The following NFAT5 variants were observed in gnomAD, a reference collection of about 807,000 sequenced individuals.
NFAT5 encodes the protein nuclear factor of activated T-cells 5.
A neutral mutation model predicts 166.5 loss-of-function variants in NFAT5; 31 were observed. That is an observed-to-expected ratio of 0.19 (90% CI 0.14 to 0.25). The LOEUF (loss-of-function observed/expected upper bound fraction) is 0.25, where lower values mean the gene tolerates loss of function less well. Among genes scored for constraint, NFAT5 ranks in the 10% least tolerant of loss-of-function variants. The pLI, the probability that NFAT5 is intolerant of heterozygous loss-of-function variation, is 1.00. For synonymous variants in NFAT5, 612 were observed against 639.7 expected (o/e 0.96, Z 0.65); for missense variants, 1,449 against 1,821.8 (o/e 0.80, Z 3.72).
At chr16:69,668,133 A>T (rs2036478180) in intron 7 of NFAT5, among the ~76,000 whole-genome samples, 1 of 151,840 alleles carries the variant, frequency 6.6e-6, no homozygotes, top group South Asian at 2.1e-4. Flanking sequence ...CACCCAGCTA[A>T]TTTTTTGTAT....
At chr16:69,626,586 C>A in intron 3 of NFAT5, 58 bp downstream of exon 3, 2 of 1,397,002 alleles carry the variant, frequency 1.4e-6, no homozygotes, top group East Asian at 5.1e-5. Context: ...ATCTGGCCAA[C>A]ATGAACAGTG....
chr16:69,620,132 T>C (rs2034132786), intron 2 of NFAT5, among the ~76,000 whole-genome samples: 1 of 152,244 alleles, frequency 6.6e-6, no homozygotes, highest in Non-Finnish European at 1.5e-5. Flanking sequence ...TATCTGAAAA[T>C]GTTGATTTCA....
At chr16:69,615,242 T>C (rs901021416) in intron 2 of NFAT5, among the ~76,000 whole-genome samples, 4 of 152,170 alleles carry the variant, frequency 2.6e-5, no homozygotes, top group South Asian at 2.1e-4. Flanking sequence ...CGTTTTGCCA[T>C]GTTGGCCAGG....
At chr16:69,640,930 A>G (rs2035176569) in intron 3 of NFAT5, among the ~76,000 whole-genome samples, 1 of 151,760 alleles carries the variant, frequency 6.6e-6, no homozygotes, top group African/African-American at 2.4e-5. Context: ...GCAGTGAGCC[A>G]AAATCGTGCC....
chr16:69,682,937 C>A (rs1021886184), intron 10 of NFAT5, among the ~76,000 whole-genome samples: 1 of 152,142 alleles, frequency 6.6e-6, no homozygotes, highest in Admixed American at 6.5e-5. Context: ...ATTGGCTGGG[C>A]GTGGTGGCTC....
At chr16:69,575,679 A>T (rs539862488) in intron 2 of NFAT5, among the ~76,000 whole-genome samples, 14 of 70,778 alleles carry the variant, frequency 2.0e-4, no homozygotes, top group African/African-American at 7.2e-4. Flanking sequence ...TAGTTTTAAT[A>T]AAAAAAACTG....
intron 2 of NFAT5, among the ~76,000 whole-genome samples, chr16:69,602,255 A>C (rs1231293469): frequency 6.6e-6 from 1 of 151,784 alleles, no homozygotes; most frequent in Non-Finnish European, 1.5e-5. Context: ...AAAGTAGATA[A>C]ATCTTGGTTA....
intron 5 of NFAT5, among the ~76,000 whole-genome samples, chr16:69,654,512 G>A (rs2035802768): frequency 6.6e-6 from 1 of 152,152 alleles, no homozygotes; most frequent in African/African-American, 2.4e-5. Flanking sequence ...AGAAATCTAT[G>A]TTATGCTTTG....
chr16:69,582,809 C>A (rs938781244), intron 2 of NFAT5, among the ~76,000 whole-genome samples: 2 of 151,506 alleles, frequency 1.3e-5, no homozygotes, highest in African/African-American at 4.8e-5. Flanking sequence ...AGCCTTCCAA[C>A]TTTTTTTCTT....
chr16:69,591,649 A>G (rs1166053761), intron 2 of NFAT5, among the ~76,000 whole-genome samples: 3 of 152,194 alleles, frequency 2.0e-5, no homozygotes, highest in African/African-American at 7.2e-5. Context: ...ATATGTTGAG[A>G]AAAAAAGTTG....
At position 69,698,355 on chromosome 16, in the gene NFAT5, C is replaced by G. The variant is rs1040888923; in HGVS notation, c.*2004C>G. ...ATGGTATACTATTTTGCTATTTGTA[C>G]TGAGTGAGTACATTGGCATAAATAT... is the stretch of plus-strand genomic sequence containing the variant. On this transcript the variant is annotated 3_prime_UTR_variant, in exon 15 of 15. Coordinates refer to ENST00000349945, the MANE Select transcript of NFAT5 (RefSeq NM_138713.4). 2.6e-5 allele frequency: 4 copies of G among 152,128 alleles called. No individual in the cohort carries two copies. The highest frequency in any genetic ancestry group is 9.7e-5 in the African/African-American group (4 of 41,326). The allele number at this position is 152,128 out of a possible 1,614,324, so 9.4% of individuals were successfully genotyped here.
intron 2 of NFAT5, among the ~76,000 whole-genome samples, chr16:69,582,827 A>G (rs1481053335): frequency 6.6e-6 from 1 of 151,686 alleles, no homozygotes; most frequent in Non-Finnish European, 1.5e-5. Context: ...CTTCTTTTGT[A>G]GGATTGTTTC....
Position 69,626,540 on chromosome 16 carries a change from A to AT in NFAT5, c.253+16dup. 3 of 1,522,858 alleles carry AT rather than the reference A, an allele frequency of 2.0e-6. No individual in the cohort carries two copies. The South Asian group carries it at 4.0e-5, about 21-fold the overall frequency. The allele number at this position is 1,522,858 out of a possible 1,614,324, so 94.3% of individuals were successfully genotyped here. A position where few individuals can be genotyped will look rare whatever the true frequency, so the allele number is the denominator to read the frequency against. ...TGTTGTTGCTGCTGGTATGCATTTC[A>AT]TTTTACTTTATTAAAGAAAACTAGG... On this transcript the variant is annotated intron_variant, in intron 3 of 14. Coordinates refer to ENST00000349945, the MANE Select transcript of NFAT5 (RefSeq NM_138713.4).
intron 2 of NFAT5, among the ~76,000 whole-genome samples, chr16:69,618,489 G>A (rs1023637292): frequency 6.6e-6 from 1 of 152,236 alleles, no homozygotes; most frequent in Non-Finnish European, 1.5e-5. Context: ...TGCCAAGTAT[G>A]ATGACTGTCA....
intron 6 of NFAT5, among the ~76,000 whole-genome samples, chr16:69,656,113 T>C (rs564555691): frequency 2.9e-4 from 44 of 152,040 alleles, no homozygotes; most frequent in African/African-American, 1.0e-3. Flanking sequence ...AAACCCTGTC[T>C]CTACTGAAAG....
Position 69,693,919 on chromosome 16 carries a change from C to T in NFAT5, c.4094C>T (p.Ser1365Leu). The T allele has an allele frequency of 3.1e-6, 5 of 1,614,236 alleles. No homozygotes were observed. The highest frequency in any genetic ancestry group is 4.2e-6 in the Non-Finnish European group (5 of 1,180,044). The change falls in exon 13 of 15, where the codon TCA (serine) becomes TTA (leucine). Residue 1365 changes from serine (S) to leucine (L), a missense_variant. By Grantham distance (145) the Ser-to-Leu change is moderately radical (BLOSUM62 -2). Transcript: ENST00000349945. ...CCAGGTCCTACCCAGTCGGAATCAT[C>T]ACAGACCCCCTTGTTCCATAGCTCT... is the stretch of plus-strand genomic sequence containing the variant. ...QNPGPTQSES[S>L]QTPLFHSSPQ... is the part of the protein sequence containing the mutation.
At chr16:69,666,742 A>G (rs956905775) in intron 7 of NFAT5, among the ~76,000 whole-genome samples, 12 of 151,802 alleles carry the variant, frequency 7.9e-5, no homozygotes, top group Non-Finnish European at 1.6e-4. Context: ...AACTAGTTCA[A>G]CCATTGTGGA....
At chr16:69,583,008 CTTT>C (rs890098349) in intron 2 of NFAT5, among the ~76,000 whole-genome samples, 111 of 150,900 alleles carry the variant, frequency 7.4e-4, no homozygotes, top group African/African-American at 2.5e-3. Context: ...CATGGGATGT[CTTT>C]TTATTTTTTT....
chr16:69,638,144 G>C (rs185035098), intron 3 of NFAT5, among the ~76,000 whole-genome samples: 2 of 151,898 alleles, frequency 1.3e-5, no homozygotes, highest in East Asian at 3.9e-4. Flanking sequence ...GTTTGAACCC[G>C]GGAGGCGGAG....
Sources: allele counts gnomAD v4.1 joint callset (sites outside exome capture counted in the v4.1 genomes callset), GRCh38; gene constraint gnomAD v4.1.1; transcripts MANE v1.5; gene names NCBI Gene and HGNC (gene_info 2026-07-23, HGNC 2026-07-21).